The following DFFB variants were observed in gnomAD, a reference collection of about 807,000 sequenced individuals.
DFFB encodes the protein DNA fragmentation factor 40 kDa subunit.
Under a neutral mutation model 32.7 loss-of-function variants are expected in DFFB, and 29 were observed. The ratio of observed to expected loss-of-function variants is 0.89; its 90% CI spans 0.66 to 1.21. DFFB has a LOEUF of 1.21. DFFB is among the 50% of genes most tolerant of loss of function. The pLI, the probability that DFFB is intolerant of heterozygous loss-of-function variation, is 0.00. For missense variants in DFFB, 398 were observed against 440.6 expected, an observed-to-expected ratio of 0.90 and a Z score of 0.87; for synonymous variants, 170 against 177.1, an observed-to-expected ratio of 0.96 and a Z score of 0.32.
At chr1:3,871,350 G>A (rs759243824) in intron 5 of DFFB, among the ~76,000 whole-genome samples, 8 of 152,124 alleles carry the variant, frequency 5.3e-5, no homozygotes, top group East Asian at 1.9e-4. Context: ...GCAGTGGTGC[G>A]ATCTCGGCTC....
At chr1:3,879,775 G>A (rs774170103) in intron 6 of DFFB, among the ~76,000 whole-genome samples, 4 of 152,146 alleles carry the variant, frequency 2.6e-5, no homozygotes, top group Non-Finnish European at 5.9e-5. Context: ...TGTCCGCTGA[G>A]TACATGCTTC....
intron 6 of DFFB, among the ~76,000 whole-genome samples, chr1:3,880,049 TG>T (rs1242847475): frequency 6.6e-6 from 1 of 152,216 alleles, no homozygotes; most frequent in Non-Finnish European, 1.5e-5. Context: ...TTTGTTCACC[TG>T]GGGGCCTTGG....
rs1231478329 is a variant in DFFB at position 3,871,973 on chromosome 1, G to A, written c.682-499G>A. On this transcript the variant is annotated intron_variant, in intron 5 of 6. Transcript: ENST00000378209. The stretch of plus-strand genomic sequence containing the variant: ...CTGGCGTGGGCAGCACCCAGGCGAT[G>A]GTGCTAGACCCTTCATGAGAAATCC... 1.3e-5 allele frequency among the ~76,000 whole-genome samples: 2 copies of A among 152,138 alleles called. 1 individual carries two copies. The highest frequency in any genetic ancestry group is 2.9e-5 in the Non-Finnish European group (2 of 68,034).
rs1644962868 is a variant in DFFB at position 3,865,652 on chromosome 1, T to A, written c.242-160T>A. The stretch of plus-strand genomic sequence containing the variant: ...TGTGCGTGGTCCCCAGCTGTTGGTG[T>A]CAGGGCAAGGACAAAGACCCGGGAC... On this transcript the variant is annotated intron_variant, in intron 2 of 6. Transcript: ENST00000378209. The surrounding 1 kb of genome is among the most constrained non-coding windows in gnomAD (Gnocchi z 4.7). 1 of 1,105,118 alleles carries A rather than the reference T, an allele frequency of 9.0e-7. No homozygotes were observed. The highest frequency in any genetic ancestry group is 1.5e-5 in the African/African-American group (1 of 65,048). 68.5% of individuals were successfully genotyped at this position (1,105,118 alleles called of 1,614,324 possible).
At chr1:3,866,317 C>T (rs1316470027) in intron 3 of DFFB, 2 of 436,384 alleles carry the variant, frequency 4.6e-6, no homozygotes, top group African/African-American at 2.0e-5. Context: ...TGGCTCACCG[C>T]AACCTCTGCC....
chr1:3,876,178 C>T (rs570799052), intron 6 of DFFB, among the ~76,000 whole-genome samples: 1 of 152,318 alleles, frequency 6.6e-6, no homozygotes, highest in East Asian at 1.9e-4. Context: ...CTACTCTTTT[C>T]TCTGCTGTTT....
At chr1:3,881,335 C>T (rs542283875) in intron 6 of DFFB, among the ~76,000 whole-genome samples, 4 of 152,352 alleles carry the variant, frequency 2.6e-5, no homozygotes, top group South Asian at 4.1e-4. Context: ...CATTAGATAA[C>T]GGGCTCAGTG....
At position 3,879,696 on chromosome 1, in the gene DFFB, A is replaced by G. The variant is rs1193672653; in HGVS notation, c.783-3811A>G. ...TCAGTCTGTGGTATTTTCCTCTGGCAGCTGGAGCACACTAAGACACTCCTG... is the reference window on the plus strand; with the variant it reads ...TCAGTCTGTGGTATTTTCCTCTGGCGGCTGGAGCACACTAAGACACTCCTG... On this transcript the variant is annotated intron_variant, in intron 6 of 6. Transcript: ENST00000378209. Among the ~76,000 whole-genome samples the G allele has an allele frequency of 3.3e-5, 5 of 152,270 alleles. No individual in the cohort carries two copies. In the East Asian group the frequency reaches 9.7e-4, roughly 29 times the overall value.
intron 5 of DFFB, among the ~76,000 whole-genome samples, 159 bp downstream of exon 5, chr1:3,869,934 C>G (rs1645078042): frequency 6.6e-6 from 1 of 152,208 alleles, no homozygotes. Flanking sequence ...GGCAGTGTCT[C>G]AGCCAGTGCC....
At chr1:3,867,800 C>T in intron 3 of DFFB, 174 bp from the exon 4 acceptor site, 1 of 655,248 alleles carries the variant, frequency 1.5e-6, no homozygotes. Flanking sequence ...CTGTAGTAAG[C>T]TGTGTTCGTG....
intron 6 of DFFB, among the ~76,000 whole-genome samples, chr1:3,881,413 G>C (rs1201404971): frequency 6.6e-6 from 1 of 152,220 alleles, no homozygotes; most frequent in Non-Finnish European, 1.5e-5. Context: ...AATGGCTATG[G>C]CAGGGGTCTC....
At chr1:3,857,740 A>G (rs1192344900) in intron 1 of DFFB, 23 bp downstream of exon 1, 3 of 1,451,522 alleles carry the variant, frequency 2.1e-6, no homozygotes, top group Non-Finnish European at 2.7e-6. Flanking sequence ...CTAGGCGGGG[A>G]CGGCCCGTCG....
intron 6 of DFFB, among the ~76,000 whole-genome samples, chr1:3,879,558 G>C (rs117885639): frequency 6.6e-6 from 1 of 152,180 alleles, no homozygotes; most frequent in African/African-American, 2.4e-5. Flanking sequence ...TCTCTGCCAC[G>C]TGGGGACACA....
intron 2 of DFFB, among the ~76,000 whole-genome samples, chr1:3,860,697 C>T (rs1644864110): frequency 6.6e-6 from 1 of 152,132 alleles, no homozygotes; most frequent in African/African-American, 2.4e-5. Flanking sequence ...TGTCATTTCT[C>T]CCCATGTAGA....
Position 3,858,796 on chromosome 1 carries a change from G to T in DFFB, c.193G>T (p.Asp65Tyr). The T allele has an allele frequency of 6.2e-7, 1 of 1,614,098 alleles. No homozygotes were observed. The change falls in exon 2 of 7, where the codon GAC (aspartate) becomes TAC (tyrosine). Residue 65 changes from aspartate (D) to tyrosine (Y), a missense_variant. By Grantham distance (160) the Asp-to-Tyr change is radical. Coordinates refer to ENST00000378209, the MANE Select transcript of DFFB (RefSeq NM_004402.4). ...LTEDYFPSVP[D>Y]NAELVLLTLG... The stretch of plus-strand genomic sequence containing the variant: ...GGAAGATTACTTCCCCAGTGTTCCC[G>T]ACAACGCCGAGCTGGTGCTGCTCAC...
At chr1:3,861,880 C>T (rs545615344) in intron 2 of DFFB, among the ~76,000 whole-genome samples, 2 of 151,986 alleles carry the variant, frequency 1.3e-5, no homozygotes, top group Non-Finnish European at 2.9e-5. Flanking sequence ...CAGGGTCTAG[C>T]CAGGACATTT....
Position 3,865,521 on chromosome 1 carries a change from T to G in DFFB, c.242-291T>G. Reference sequence around the variant, plus strand: ...AAGGGCCAAAGTGGGGGGCGTATGGTTTGGAGGGGAGGAGGCCAAATGGGA... The same window carrying G: ...AAGGGCCAAAGTGGGGGGCGTATGGGTTGGAGGGGAGGAGGCCAAATGGGA... On this transcript the variant is annotated intron_variant, in intron 2 of 6. Transcript: ENST00000378209. This position sits in a 1 kb window ranked among gnomAD's most constrained non-coding sequence, Gnocchi z 4.7. 5.5e-6 allele frequency: 3 copies of G among 541,920 alleles called. No individual in the cohort carries two copies. The highest frequency in any genetic ancestry group is 3.3e-5 in the East Asian group (1 of 30,228). 33.6% of individuals were successfully genotyped at this position (541,920 alleles called of 1,614,324 possible).
intron 2 of DFFB, among the ~76,000 whole-genome samples, chr1:3,859,096 C>T (rs1265439798): frequency 6.6e-6 from 1 of 152,104 alleles, no homozygotes; most frequent in Non-Finnish European, 1.5e-5. Context: ...ATTTTATTTG[C>T]GTTCATTTGA....
At chr1:3,862,974 C>T (rs547944341) in intron 2 of DFFB, among the ~76,000 whole-genome samples, 2 of 152,194 alleles carry the variant, frequency 1.3e-5, no homozygotes, top group African/African-American at 4.8e-5. Flanking sequence ...CATGGTGAAA[C>T]CCCGTCTCTA....
Sources: gnomAD v4.1 joint callset for allele counts (sites outside exome capture counted in the v4.1 genomes callset) on GRCh38, gnomAD v4.1.1 for gene constraint, Gnocchi (gnomAD v3.1) non-coding constraint, MANE v1.5 for transcripts, NCBI Gene and HGNC (gene_info 2026-07-23, HGNC 2026-07-21) for gene names.